The following WDFY3 variants were observed in gnomAD, a reference collection of about 807,000 sequenced individuals.
WDFY3 encodes WD repeat and FYVE domain-containing protein 3.
Under a neutral mutation model 409.6 loss-of-function variants are expected in WDFY3, and 66 were observed. That is an observed-to-expected ratio of 0.16 (90% CI 0.13 to 0.20). The LOEUF (loss-of-function observed/expected upper bound fraction) is 0.20, where lower values mean the gene tolerates loss of function less well. WDFY3 is among the 10% of genes least tolerant of loss of function. The pLI, the probability that WDFY3 is intolerant of heterozygous loss-of-function variation, is 1.00. For missense variants in WDFY3, 3,031 were observed against 4,298.1 expected (o/e 0.71, Z 8.24); for synonymous variants, 1,521 against 1,537.1 (o/e 0.99, Z 0.25).
intron 67 of WDFY3, among the ~76,000 whole-genome samples, chr4:84,673,512 A>C (rs1215929413): frequency 6.6e-6 from 1 of 152,202 alleles, no homozygotes; most frequent in Non-Finnish European, 1.5e-5. Flanking sequence ...GATCACTATC[A>C]AGTTCCATTG....
intron 1 of WDFY3, among the ~76,000 whole-genome samples, chr4:84,961,113 G>C (rs1240150122): frequency 2.6e-5 from 4 of 151,860 alleles, no homozygotes; most frequent in Non-Finnish European, 4.4e-5. Flanking sequence ...TACTCGGGTG[G>C]CTGAGGCAGG....
Position 84,873,773 on chromosome 4 carries a change from G to GT in WDFY3, c.-31-13152dup, listed in dbSNP as rs1203493309. 8.6e-3 allele frequency among the ~76,000 whole-genome samples: 1,293 copies of GT among 149,780 alleles called. 21 individuals are homozygous for GT. The highest frequency in any genetic ancestry group is 0.03 in the African/African-American group (1,195 of 40,366). On this transcript the variant is annotated intron_variant, in intron 3 of 67. Coordinates refer to ENST00000295888, the MANE Select transcript of WDFY3 (RefSeq NM_014991.6). Reference sequence around the variant, plus strand: ...ACTGGTGTCTTGTTCGTTTTTTTGTGTTTTTTTTTTGTTTGTTTGTTTGTT... The same window carrying GT: ...ACTGGTGTCTTGTTCGTTTTTTTGTGTTTTTTTTTTTGTTTGTTTGTTTGTT...
chr4:84,855,708 T>C (rs1187159597), intron 4 of WDFY3, among the ~76,000 whole-genome samples: 1 of 152,194 alleles, frequency 6.6e-6, no homozygotes, highest in African/African-American at 2.4e-5. Context: ...TAATTTGCTA[T>C]AAATAACAAT....
At chr4:84,764,276 G>A (rs1281861367) in intron 32 of WDFY3, among the ~76,000 whole-genome samples, 2 of 152,088 alleles carry the variant, frequency 1.3e-5, no homozygotes, top group Admixed American at 6.5e-5. Context: ...TTATTCTCCA[G>A]TAGGTATTAT....
chr4:84,765,717 G>T, intron 32 of WDFY3, 93 bp downstream of exon 32: 1 of 1,048,946 alleles, frequency 9.5e-7, no homozygotes, highest in Non-Finnish European at 1.4e-6. Flanking sequence ...CCTTAATGGT[G>T]ATCAAACCGC....
chr4:84,783,162 A>C, intron 24 of WDFY3, 88 bp from the exon 25 acceptor site: 2 of 1,201,910 alleles, frequency 1.7e-6, no homozygotes, highest in South Asian at 1.4e-5. Flanking sequence ...ATGAATGGTA[A>C]CATATCTTTT....
chr4:84,728,307 T>C lies in WDFY3; in HGVS notation c.7222-1396A>G, dbSNP rs551276168. 3.1e-3 allele frequency among the ~76,000 whole-genome samples: 472 copies of C among 152,206 alleles called. 3 individuals carry two copies. The highest frequency in any genetic ancestry group is 0.011 in the African/African-American group (453 of 41,526). Reference sequence around the variant, plus strand: ...ACTTTGGGAGGCCGAGGTGGGTGGATTGCTTGAGCTCAGGAGTTCAAGACC... The same window carrying C: ...ACTTTGGGAGGCCGAGGTGGGTGGACTGCTTGAGCTCAGGAGTTCAAGACC... On this transcript the variant is annotated intron_variant, in intron 44 of 67. Transcript: ENST00000295888.
intron 14 of WDFY3, chr4:84,809,607 A>G (rs531224785): frequency 1.6e-5 from 5 of 305,934 alleles, no homozygotes; most frequent in African/African-American, 1.1e-4. Context: ...AACAGTAAAC[A>G]CTATCATTAA....
In WDFY3 at chr4:84,753,764, C is replaced by T; in HGVS notation, c.5672G>A (p.Ser1891Asn). Residue 1891 changes from serine (S) to asparagine (N), a missense_variant, in exon 35 of 68, where the codon AGC becomes AAC. Ser to Asn is a conservative substitution (Grantham distance 46, BLOSUM62 1). This residue lies in a region of WDFY3 where 342 missense variants were observed against 463.7 expected (regional missense o/e 0.74). Transcript: ENST00000295888. ...NVPDLASMWM[S>N]PDFLCALAAT... Reference sequence around the variant, plus strand: ...TGCTAATGCACACAGGAAGTCAGGGCTCATCCACATGGAGGCAAGGTCTGG... The same window carrying T: ...TGCTAATGCACACAGGAAGTCAGGGTTCATCCACATGGAGGCAAGGTCTGG... 1.9e-6 allele frequency: 3 copies of T among 1,612,574 alleles called. No individual in the cohort carries two copies. Among genetic ancestry groups the T allele is most frequent in the Non-Finnish European group, 2.5e-6 (3 of 1,179,386 alleles).
intron 3 of WDFY3, among the ~76,000 whole-genome samples, chr4:84,878,209 C>G (rs1278392284): frequency 1.3e-5 from 2 of 152,042 alleles, no homozygotes; most frequent in Admixed American, 1.3e-4. Flanking sequence ...CAGATGATGA[C>G]AAAAGGCAAT....
chr4:84,713,565 A>C (rs891063622), intron 50 of WDFY3, among the ~76,000 whole-genome samples: 1 of 152,078 alleles, frequency 6.6e-6, no homozygotes, highest in Non-Finnish European at 1.5e-5. Flanking sequence ...TTGAAGAACC[A>C]CCCTCATTTC....
At chr4:84,738,911 T>A in intron 40 of WDFY3, 99 bp downstream of exon 40, 1 of 1,216,476 alleles carries the variant, frequency 8.2e-7, no homozygotes, top group Non-Finnish European at 1.2e-6. Context: ...AGAGTTGCTA[T>A]CAATGCTGGC....
intron 2 of WDFY3, among the ~76,000 whole-genome samples, chr4:84,907,839 T>C (rs538406882): frequency 3.9e-5 from 6 of 152,216 alleles, no homozygotes; most frequent in South Asian, 2.1e-4. Context: ...GAGGATAGTA[T>C]AGCAACACAG....
intron 6 of WDFY3, among the ~76,000 whole-genome samples, chr4:84,837,690 C>A (rs554930048): frequency 6.6e-6 from 1 of 152,152 alleles, no homozygotes; most frequent in African/African-American, 2.4e-5. Context: ...GACCTTCTTA[C>A]AGTACATATT....
At chr4:84,776,860 G>C (rs1313916259) in intron 27 of WDFY3, among the ~76,000 whole-genome samples, 1 of 152,164 alleles carries the variant, frequency 6.6e-6, no homozygotes, top group South Asian at 2.1e-4. Context: ...TAAATGATAC[G>C]ATTATGCCTT....
chr4:84,672,683 T>C lies in WDFY3; in HGVS notation c.*185A>G, dbSNP rs1725601183. 1.4e-6 allele frequency: 1 copy of C among 694,240 alleles called. No homozygotes were observed. Among genetic ancestry groups the C allele is most frequent in the Non-Finnish European group, 2.2e-6 (1 of 445,590 alleles). 43.0% of individuals were successfully genotyped at this position (694,240 alleles called of 1,614,324 possible). Reference sequence around the variant, plus strand: ...ATTCTTCTTGTGCTGTTCACCTGAATCGCGTCTGCCCCATTCCTGTACTCT... The same window carrying C: ...ATTCTTCTTGTGCTGTTCACCTGAACCGCGTCTGCCCCATTCCTGTACTCT... On this transcript the variant is annotated 3_prime_UTR_variant, in exon 68 of 68. Coordinates refer to ENST00000295888, the MANE Select transcript of WDFY3 (RefSeq NM_014991.6).
chr4:84,779,422 CTTTT>C (rs772133851), intron 26 of WDFY3, among the ~76,000 whole-genome samples: 2 of 140,504 alleles, frequency 1.4e-5, no homozygotes, highest in African/African-American at 5.2e-5. Flanking sequence ...ATAAATGCTG[CTTTT>C]TTTTTTTTTT....
At position 84,921,014 on chromosome 4, in the gene WDFY3, T is replaced by C. The variant is rs148988071; in HGVS notation, c.-132+11256A>G. Among the ~76,000 whole-genome samples, 4 of 152,262 alleles carry C rather than the reference T, an allele frequency of 2.6e-5. No individual in the cohort carries two copies. The South Asian group carries it at 8.3e-4, about 32-fold the overall frequency. ...TGAAATTTGAATATGTCACTCCCTGTATTTCTTAATTTGTCCTAAATATAG... is the reference window on the plus strand; with the variant it reads ...TGAAATTTGAATATGTCACTCCCTGCATTTCTTAATTTGTCCTAAATATAG... On this transcript the variant is annotated intron_variant, in intron 2 of 67. Coordinates refer to ENST00000295888, the MANE Select transcript of WDFY3 (RefSeq NM_014991.6).
At chr4:84,867,934 G>A (rs1486630498) in intron 3 of WDFY3, among the ~76,000 whole-genome samples, 1 of 151,976 alleles carries the variant, frequency 6.6e-6, no homozygotes, top group Non-Finnish European at 1.5e-5. Flanking sequence ...ACTTTGGGAG[G>A]TCAAGGCGGG....
Sources: gnomAD v4.1 joint callset for allele counts (sites outside exome capture counted in the v4.1 genomes callset) on GRCh38, gnomAD v4.1.1 for gene constraint, gnomAD v4.1.1 regional missense constraint, MANE v1.5 for transcripts, NCBI Gene and HGNC (gene_info 2026-07-23, HGNC 2026-07-21) for gene names.